DSCAML1: variants seen among roughly 807,000 people sequenced by gnomAD.
The protein encoded by DSCAML1 is cell adhesion molecule DSCAML1.
A neutral mutation model predicts 200.5 loss-of-function variants in DSCAML1; 38 were observed. That is an observed-to-expected ratio of 0.19 (90% CI 0.15 to 0.25). DSCAML1 has a LOEUF of 0.25. Among genes scored for constraint, DSCAML1 ranks in the 10% least tolerant of loss-of-function variants. DSCAML1 has a pLI of 1.00. For synonymous variants in DSCAML1, 1,215 were observed against 1,165.0 expected, an observed-to-expected ratio of 1.04 and a Z score of -0.87; for missense variants, 2,223 against 2,858.8, an observed-to-expected ratio of 0.78 and a Z score of 5.07.
At chr11:117,575,018 C>A (rs1016935946) in intron 3 of DSCAML1, among the ~76,000 whole-genome samples, 3 of 152,092 alleles carry the variant, frequency 2.0e-5, no homozygotes, top group Admixed American at 6.5e-5. Context: ...TGGTGAAACC[C>A]CGTCTCTACT....
chr11:117,429,073 A>G (rs956273848), intron 32 of DSCAML1, among the ~76,000 whole-genome samples: 2 of 152,200 alleles, frequency 1.3e-5, no homozygotes, highest in Non-Finnish European at 2.9e-5. Flanking sequence ...GCTTTGCTAC[A>G]GTGGCTGGTG....
At chr11:117,770,037 C>T (rs1329476171) in intron 3 of DSCAML1, among the ~76,000 whole-genome samples, 2 of 152,190 alleles carry the variant, frequency 1.3e-5, no homozygotes, top group Non-Finnish European at 2.9e-5. Flanking sequence ...GTCACCTCCA[C>T]CTAAAGTGCT....
At chr11:117,546,036 C>T (rs2050367581) in intron 3 of DSCAML1, among the ~76,000 whole-genome samples, 1 of 152,246 alleles carries the variant, frequency 6.6e-6, no homozygotes, top group African/African-American at 2.4e-5. Context: ...GCGAGGCACG[C>T]AGAGCCAGAA....
chr11:117,478,964 G>A (rs1459574637), intron 14 of DSCAML1, among the ~76,000 whole-genome samples: 1 of 152,234 alleles, frequency 6.6e-6, no homozygotes, highest in African/African-American at 2.4e-5. Flanking sequence ...CTGAGAATAC[G>A]GTTTGTCTCT....
Position 117,569,697 on chromosome 11 carries a change from C to T in DSCAML1, c.512-37175G>A, listed in dbSNP as rs978582916. Among the ~76,000 whole-genome samples the T allele has an allele frequency of 7.2e-5, 11 of 152,340 alleles. No individual in the cohort carries two copies. In the East Asian group the frequency reaches 1.2e-3, roughly 16 times the overall value. Reference sequence around the variant, plus strand: ...TCTTCCTGTAGGCTGAGTGACATTCCGTTTCCCAGACCCTCTGCAGCCAGG... The same window carrying T: ...TCTTCCTGTAGGCTGAGTGACATTCTGTTTCCCAGACCCTCTGCAGCCAGG... On this transcript the variant is annotated intron_variant, in intron 3 of 32. Coordinates refer to ENST00000651296, the MANE Select transcript of DSCAML1 (RefSeq NM_020693.4).
In DSCAML1 at chr11:117,428,650, T is replaced by C. The variant is rs759321410; in HGVS notation, c.5840A>G (p.Asp1947Gly). The change falls in exon 33 of 33, where the codon GAC becomes GGC. Residue 1947 changes from aspartate to glycine, a missense_variant. Transcript: ENST00000651296. ...AAGGCCCAAGGACTTGCTGGCAGGGTCCAGGGTCAGGTGGCGAGCCTGGGT... is the reference window on the plus strand; with the variant it reads ...AAGGCCCAAGGACTTGCTGGCAGGGCCCAGGGTCAGGTGGCGAGCCTGGGT... Reference protein sequence around the residue: ...YHTQARHLTLDPASKSLGLPH... With the variant: ...YHTQARHLTLGPASKSLGLPH... The C allele has an allele frequency of 1.9e-6, 3 of 1,611,350 alleles. No individual in the cohort carries two copies. The highest frequency in any genetic ancestry group is 2.5e-6 in the Non-Finnish European group (3 of 1,179,086).
intron 3 of DSCAML1, among the ~76,000 whole-genome samples, chr11:117,545,260 C>A (rs1328960359): frequency 8.7e-5 from 13 of 150,062 alleles, no homozygotes; most frequent in Admixed American, 2.7e-4. Flanking sequence ...CACACACACA[C>A]AAAACACAAG....
rs767669685 is a variant in DSCAML1, at chr11:117,480,541, C to T, written c.2687G>A (p.Arg896Gln). 52 of 1,578,696 alleles carry T rather than the reference C, an allele frequency of 3.3e-5. No homozygotes were observed. Among genetic ancestry groups the T allele is most frequent in the Admixed American group, 7.4e-5 (4 of 54,350 alleles). ...EPPDPPELEI[R>Q]EVKARSMNLR... ...GTTCATGCTCCGGGCCTTCACCTCC[C>T]GGATCTCCAGCTCTGGGGGGTCGGG... Residue 896 changes from arginine to glutamine, a missense_variant, in exon 14 of 33, where the codon CGG becomes CAG. Physicochemically the swap from Arg to Gln is conservative, Grantham distance 43 (BLOSUM62 1). Transcript: ENST00000651296. This position sits in a 1 kb window ranked among gnomAD's most constrained non-coding sequence, Gnocchi z 4.1.
intron 3 of DSCAML1, among the ~76,000 whole-genome samples, chr11:117,622,500 A>G (rs2051953928): frequency 6.6e-6 from 1 of 152,010 alleles, no homozygotes; most frequent in South Asian, 2.1e-4. Context: ...GGCCTCTGAA[A>G]ACATTGACCT....
At chr11:117,762,775 A>C (rs1350935154) in intron 3 of DSCAML1, among the ~76,000 whole-genome samples, 1 of 151,964 alleles carries the variant, frequency 6.6e-6, no homozygotes, top group Non-Finnish European at 1.5e-5. Context: ...AGACAGGAGA[A>C]TCACTTGAAC....
chr11:117,601,016 A>T (rs956129050), intron 3 of DSCAML1, among the ~76,000 whole-genome samples: 2 of 152,114 alleles, frequency 1.3e-5, no homozygotes, highest in Non-Finnish European at 2.9e-5. Flanking sequence ...CCTCAGCTGG[A>T]TTTATCGAAC....
intron 14 of DSCAML1, among the ~76,000 whole-genome samples, chr11:117,478,658 C>T (rs1316341462): frequency 6.6e-6 from 1 of 152,218 alleles, no homozygotes; most frequent in African/African-American, 2.4e-5. Flanking sequence ...CAACCTGGTC[C>T]CAAAGCACCT....
chr11:117,555,052 C>T (rs1366212800), intron 3 of DSCAML1, among the ~76,000 whole-genome samples: 1 of 152,196 alleles, frequency 6.6e-6, no homozygotes, highest in East Asian at 1.9e-4. Context: ...GCTGGGCCCC[C>T]TGCATGGCCC....
chr11:117,628,785 C>T (rs1259261614), intron 3 of DSCAML1, among the ~76,000 whole-genome samples: 1 of 152,202 alleles, frequency 6.6e-6, no homozygotes, highest in African/African-American at 2.4e-5. Flanking sequence ...ACCATCTATC[C>T]AGAAGCAGGA....
At chr11:117,490,081 G>A (rs530260141) in intron 11 of DSCAML1, among the ~76,000 whole-genome samples, 1 of 152,222 alleles carries the variant, frequency 6.6e-6, no homozygotes, top group East Asian at 1.9e-4. Flanking sequence ...TCGTTGAGAT[G>A]GGCAGGCACC....
intron 3 of DSCAML1, among the ~76,000 whole-genome samples, chr11:117,753,342 C>T (rs867261783): frequency 3.9e-5 from 6 of 152,290 alleles, no homozygotes; most frequent in South Asian, 2.1e-4. Flanking sequence ...AGTGGTCCCG[C>T]ATTCTTCTCC....
intron 3 of DSCAML1, among the ~76,000 whole-genome samples, chr11:117,684,113 C>G (rs2053359797): frequency 6.6e-6 from 1 of 152,152 alleles, no homozygotes; most frequent in Non-Finnish European, 1.5e-5. Flanking sequence ...AAGCATCAGT[C>G]CCTTTCTCCT....
chr11:117,596,802 TTTAA>T (rs1284738410), intron 3 of DSCAML1, among the ~76,000 whole-genome samples: 4 of 152,216 alleles, frequency 2.6e-5, no homozygotes, highest in African/African-American at 9.6e-5. Context: ...GGAAACTCCT[TTTAA>T]TTGTTTTCAT....
chr11:117,760,484 G>A (rs920758998), intron 3 of DSCAML1, among the ~76,000 whole-genome samples: 2 of 152,170 alleles, frequency 1.3e-5, no homozygotes, highest in South Asian at 2.1e-4. Context: ...CATAATGTAT[G>A]GCATCCTTCT....
Sources: allele counts gnomAD v4.1 joint callset (sites outside exome capture counted in the v4.1 genomes callset), GRCh38; gene constraint gnomAD v4.1.1; non-coding constraint Gnocchi (gnomAD v3.1); transcripts MANE v1.5; gene names NCBI Gene and HGNC (gene_info 2026-07-23, HGNC 2026-07-21).